Variants in CEP350 observed in about 807,000 individuals in gnomAD.
CEP350 encodes the protein centrosomal protein 350, also known as centrosome-associated protein 350.
CEP350 carries 126 observed loss-of-function variants against 331.8 expected under a neutral mutation model. That is an observed-to-expected ratio of 0.38 (90% CI 0.33 to 0.44). The LOEUF (loss-of-function observed/expected upper bound fraction) is 0.44, where lower values mean the gene tolerates loss of function less well. Among genes scored for constraint, CEP350 ranks in the 20% least tolerant of loss-of-function variants. CEP350 has a pLI of 1.00. For synonymous variants in CEP350, 1,200 were observed against 1,259.5 expected (o/e 0.95, Z 1.00); for missense variants, 3,406 against 3,634.6 (o/e 0.94, Z 1.62).
chr1:180,007,226 A>G (rs189178267), intron 8 of CEP350, among the ~76,000 whole-genome samples: 83 of 152,288 alleles, frequency 5.5e-4, no homozygotes, highest in African/African-American at 1.9e-3. Flanking sequence ...ACTCCCACCA[A>G]CAGTGTAAAG....
chr1:180,058,020 AGTGTTGACTG>A (rs1214099707), intron 25 of CEP350, among the ~76,000 whole-genome samples: 1 of 152,118 alleles, frequency 6.6e-6, no homozygotes, highest in Non-Finnish European at 1.5e-5. Flanking sequence ...GGATGGTTAG[AGTGTTGACTG>A]GTGTAACCAC....
intron 20 of CEP350, among the ~76,000 whole-genome samples, chr1:180,043,772 TTGTGTGTGTGTGTG>T (rs71118428): frequency 6.7e-5 from 10 of 148,542 alleles, no homozygotes; most frequent in African/African-American, 2.2e-4. Context: ...ATTACCATAT[TTGTGTGTGTGTGTG>T]TGTGTGTGTG....
At chr1:179,957,762 A>G (rs192633772) in intron 1 of CEP350, among the ~76,000 whole-genome samples, 9 of 152,358 alleles carry the variant, frequency 5.9e-5, no homozygotes, top group Admixed American at 2.6e-4. Flanking sequence ...GGAATAAGCC[A>G]CAGTGGAAAC....
chr1:180,004,890 G>GCTTTCTTTCTTTCTTT (rs1491222373), intron 7 of CEP350, among the ~76,000 whole-genome samples: 1 of 41,520 alleles, frequency 2.4e-5, no homozygotes, highest in Non-Finnish European at 6.3e-5. Flanking sequence ...TTGCTTGCTT[G>GCTTTCTTTCTTTCTTT]CTTGCTTGCT....
In CEP350 at chr1:180,075,110, G is replaced by A. The variant is rs1659136950; in HGVS notation, c.5656G>A (p.Glu1886Lys). 1.2e-6 allele frequency: 2 copies of A among 1,613,560 alleles called. No homozygotes were observed. Among genetic ancestry groups the A allele is most frequent in the Non-Finnish European group, 1.7e-6 (2 of 1,179,772 alleles). ...GTGGAAGCGACGTTTAGATGCAGAA[G>A]AAGCAGAAATTCGTCAAATGGAAAA... ...LEWKRRLDAE[E>K]AEIRQMEKQA... Residue 1886 changes from glutamate (E) to lysine (K), a missense_variant, in exon 28 of 38, where the codon GAA becomes AAA. By Grantham distance (56) the Glu-to-Lys change is moderately conservative. Transcript: ENST00000367607.
chr1:180,005,554 A>G (rs1310415437), intron 7 of CEP350, among the ~76,000 whole-genome samples: 4 of 152,160 alleles, frequency 2.6e-5, no homozygotes, highest in Admixed American at 2.0e-4. Flanking sequence ...GTCTCCCTCT[A>G]TCTGCTCTTC....
At chr1:180,051,633 A>G (rs1657507833) in intron 22 of CEP350, among the ~76,000 whole-genome samples, 1 of 152,252 alleles carries the variant, frequency 6.6e-6, no homozygotes, top group Non-Finnish European at 1.5e-5. Context: ...ATACACACAC[A>G]TTAATCAGGA....
intron 27 of CEP350, among the ~76,000 whole-genome samples, chr1:180,067,273 G>A (rs1160255260): frequency 6.6e-6 from 1 of 152,100 alleles, no homozygotes; most frequent in Non-Finnish European, 1.5e-5. Context: ...GATTTGTCAA[G>A]GAGAATAGGC....
intron 14 of CEP350, among the ~76,000 whole-genome samples, chr1:180,030,258 TA>T (rs1655930988): frequency 6.8e-6 from 1 of 147,548 alleles, no homozygotes; most frequent in African/African-American, 2.5e-5. Flanking sequence ...AATTTTACAA[TA>T]AATTTTTACA....
At chr1:179,969,153 T>C in intron 1 of CEP350, 3 of 637,512 alleles carry the variant, frequency 4.7e-6, no homozygotes, top group Non-Finnish European at 8.8e-6. Flanking sequence ...GTGGGTTTGA[T>C]ATGGTGGGTG....
intron 1 of CEP350, among the ~76,000 whole-genome samples, chr1:179,960,717 G>A (rs1650542691): frequency 1.3e-5 from 2 of 152,052 alleles, no homozygotes; most frequent in African/African-American, 2.4e-5. Flanking sequence ...TTCAAGATTT[G>A]AGAACTTGTG....
chr1:179,996,415 C>A (rs960394170), intron 5 of CEP350, 138 bp from the exon 6 acceptor site: 15 of 632,190 alleles, frequency 2.4e-5, no homozygotes, highest in African/African-American at 3.7e-5. Context: ...TGTGGAATGG[C>A]TAAATCAAGT....
intron 37 of CEP350, among the ~76,000 whole-genome samples, chr1:180,104,808 T>C (rs187302064): frequency 2.7e-3 from 417 of 152,310 alleles, no homozygotes; most frequent in African/African-American, 9.5e-3. Context: ...CACTTAAAGC[T>C]ATTTCAGGTG....
intron 11 of CEP350, among the ~76,000 whole-genome samples, chr1:180,019,039 G>A (rs1269920302): frequency 1.3e-5 from 2 of 152,050 alleles, no homozygotes; most frequent in Admixed American, 1.3e-4. Flanking sequence ...GGTATTTGTA[G>A]TAGAGATGAG....
intron 11 of CEP350, among the ~76,000 whole-genome samples, chr1:180,016,369 G>A (rs532363096): frequency 6.6e-6 from 1 of 152,062 alleles, no homozygotes; most frequent in Non-Finnish European, 1.5e-5. Flanking sequence ...TTGTACTTTC[G>A]AGAGCTACCT....
intron 25 of CEP350, among the ~76,000 whole-genome samples, chr1:180,060,675 C>T (rs1558133506): frequency 6.6e-6 from 1 of 151,820 alleles, no homozygotes. Context: ...AAAATAATCC[C>T]ACCATACATG....
rs1326711935 is a variant in CEP350 at position 180,041,605 on chromosome 1, T to C, written c.4222-57T>C. ...AAATAAATTTATAAATTAAAATTAA[T>C]TCAGGAGGAGGGGAGATTAAAACAT... On this transcript the variant is annotated intron_variant, in intron 18 of 37. Transcript: ENST00000367607. The C allele has an allele frequency of 6.9e-6, 10 of 1,448,438 alleles. No homozygotes were observed. The South Asian group carries it at 8.1e-5, about 12-fold the overall frequency. The allele number at this position is 1,448,438 out of a possible 1,614,324, so 89.7% of individuals were successfully genotyped here. A position where few individuals can be genotyped will look rare whatever the true frequency, so the allele number is the denominator to read the frequency against.
At chr1:180,088,086 T>G (rs1216484706) in intron 32 of CEP350, among the ~76,000 whole-genome samples, 4 of 152,120 alleles carry the variant, frequency 2.6e-5, no homozygotes, top group African/African-American at 9.7e-5. Flanking sequence ...AAGTCTAAAT[T>G]GAGAAAATGT....
At chr1:180,050,962 T>C (rs1342031900) in intron 22 of CEP350, among the ~76,000 whole-genome samples, 1 of 152,176 alleles carries the variant, frequency 6.6e-6, no homozygotes, top group Non-Finnish European at 1.5e-5. Context: ...AATGGAAAAT[T>C]ATATGGTCAC....
Sources: allele counts gnomAD v4.1 joint callset (sites outside exome capture counted in the v4.1 genomes callset), GRCh38; gene constraint gnomAD v4.1.1; transcripts MANE v1.5; gene names NCBI Gene and HGNC (gene_info 2026-07-23, HGNC 2026-07-21).